The following SIAH3 variants were observed in gnomAD, a reference collection of about 807,000 sequenced individuals.
SIAH3 encodes seven in absentia homolog 3.
In SIAH3, 9 loss-of-function variants were observed where a neutral mutation model predicts 12.6. The ratio of observed to expected loss-of-function variants is 0.72; its 90% confidence interval spans 0.43 to 1.25. The LOEUF (loss-of-function observed/expected upper bound fraction) is 1.25, where lower values mean the gene tolerates loss of function less well. Ranked by LOEUF, SIAH3 falls within the 50% of genes most tolerant of loss-of-function variation. SIAH3 has a pLI of 0.00. For missense variants in SIAH3, 390 were observed against 365.4 expected (o/e 1.07, Z -0.55); for synonymous variants, 154 against 151.1 (o/e 1.02, Z -0.14).
At chr13:45,796,122 C>A (rs1225785996) in intron 1 of SIAH3, among the ~76,000 whole-genome samples, 1 of 152,048 alleles carries the variant, frequency 6.6e-6, no homozygotes, top group Admixed American at 6.5e-5. Context: ...AAATATAACT[C>A]GTGGTCTGGA....
chr13:45,820,156 G>A (rs1486380448), intron 1 of SIAH3, among the ~76,000 whole-genome samples: 1 of 152,122 alleles, frequency 6.6e-6, no homozygotes, highest in Non-Finnish European at 1.5e-5. Flanking sequence ...CCATCACATT[G>A]GCCACTAAGT....
At chr13:45,798,625 T>C (rs1367614014) in intron 1 of SIAH3, among the ~76,000 whole-genome samples, 1 of 152,192 alleles carries the variant, frequency 6.6e-6, no homozygotes, top group Non-Finnish European at 1.5e-5. Context: ...AACTTCCCAT[T>C]AGAACCGTCC....
intron 1 of SIAH3, among the ~76,000 whole-genome samples, chr13:45,804,985 CACACACACACACACACACACACACAA>C (rs1950593913): frequency 6.6e-6 from 1 of 150,668 alleles, no homozygotes; most frequent in Admixed American, 6.6e-5. Context: ...CACACACACA[CACACACACACACACACACACACACAA>C]AATACTTTGG....
At chr13:45,809,348 A>G (rs1284878197) in intron 1 of SIAH3, among the ~76,000 whole-genome samples, 1 of 152,268 alleles carries the variant, frequency 6.6e-6, no homozygotes, top group African/African-American at 2.4e-5. Flanking sequence ...TGTGTCCACA[A>G]ATCTGCAGAA....
chr13:45,800,791 A>G, intron 1 of SIAH3, among the ~76,000 whole-genome samples: 1 of 152,304 alleles, frequency 6.6e-6, no homozygotes, highest in South Asian at 2.1e-4. Flanking sequence ...CCTATTAGAG[A>G]TTGTGCTTGG....
At chr13:45,796,663 T>C (rs1462020449) in intron 1 of SIAH3, among the ~76,000 whole-genome samples, 1 of 152,224 alleles carries the variant, frequency 6.6e-6, no homozygotes, top group East Asian at 1.9e-4. Context: ...CTCTCTGAGA[T>C]TAGACTTGGC....
At chr13:45,798,302 A>G (rs1484970870) in intron 1 of SIAH3, among the ~76,000 whole-genome samples, 1 of 152,228 alleles carries the variant, frequency 6.6e-6, no homozygotes. Context: ...TTTCCATACC[A>G]TTCTGCTGTT....
At chr13:45,838,986 A>G (rs1159422802) in intron 1 of SIAH3, among the ~76,000 whole-genome samples, 1 of 152,146 alleles carries the variant, frequency 6.6e-6, no homozygotes, top group African/African-American at 2.4e-5. Flanking sequence ...CATAAGGGGA[A>G]GCGTTTACCA....
chr13:45,826,442 T>TGG (rs1950676832), intron 1 of SIAH3, among the ~76,000 whole-genome samples: 1 of 81,898 alleles, frequency 1.2e-5, no homozygotes, highest in Non-Finnish European at 2.2e-5. Flanking sequence ...AATGGATGCA[T>TGG]GGATGGATGG....
chr13:45,804,883 A>G (rs1318390487), intron 1 of SIAH3, among the ~76,000 whole-genome samples: 1 of 152,004 alleles, frequency 6.6e-6, no homozygotes, highest in East Asian at 1.9e-4. Context: ...AGGATACAAA[A>G]TCAATGTACA....
At chr13:45,850,919 CCACACACACACACACACACA>C (rs34118981) in intron 1 of SIAH3, among the ~76,000 whole-genome samples, 4 of 128,332 alleles carry the variant, frequency 3.1e-5, no homozygotes, top group East Asian at 2.5e-4. Context: ...CCTCCCGACA[CCACACACACACACACACACA>C]CACACACACA....
At chr13:45,834,028 A>G (rs1028453799) in intron 1 of SIAH3, among the ~76,000 whole-genome samples, 2 of 150,674 alleles carry the variant, frequency 1.3e-5, no homozygotes, top group Admixed American at 6.6e-5. Flanking sequence ...AAAGAAGGGG[A>G]AAAAAAAGCC....
At chr13:45,849,747 C>T (rs1273964712) in intron 1 of SIAH3, among the ~76,000 whole-genome samples, 2 of 152,210 alleles carry the variant, frequency 1.3e-5, no homozygotes, top group Admixed American at 1.3e-4. Context: ...GAGACCTTAA[C>T]ACCTCTCTAT....
chr13:45,851,099 C>T (rs1434732203), intron 1 of SIAH3, among the ~76,000 whole-genome samples: 4 of 151,274 alleles, frequency 2.6e-5, no homozygotes, highest in Admixed American at 6.6e-5. Flanking sequence ...TCTCCCAACA[C>T]ATGGGACAGA....
Position 45,851,603 on chromosome 13 carries a change from C to G in SIAH3, c.27G>C (p.Gly9=). Residue 9 remains glycine (G), a synonymous_variant, in exon 1 of 2, where the codon GGG becomes GGC. Coordinates refer to ENST00000400405, the MANE Select transcript of SIAH3 (RefSeq NM_198849.3). The part of the protein sequence containing the change: MLFFTQCF[G]AVLDLIHLRF... ...GGAGATGAATGAGATCTAATACAGC[C>G]CCAAAGCACTGGGTAAAGAAAAGCA... 7.4e-6 allele frequency: 12 copies of G among 1,614,120 alleles called. No homozygotes were observed. Among genetic ancestry groups the G allele is most frequent in the Non-Finnish European group, 1.0e-5 (12 of 1,180,026 alleles).
chr13:45,823,480 T>C (rs1950663544), intron 1 of SIAH3, among the ~76,000 whole-genome samples: 1 of 152,228 alleles, frequency 6.6e-6, no homozygotes, highest in African/African-American at 2.4e-5. Flanking sequence ...TAAATCTCAG[T>C]CTACTTCTGG....
chr13:45,785,665 G>GA (rs1566086269), intron 1 of SIAH3, among the ~76,000 whole-genome samples: 1 of 152,250 alleles, frequency 6.6e-6, no homozygotes, highest in African/African-American at 2.4e-5. Context: ...GGAGGTAGGG[G>GA]CCAGATCAGC....
intron 1 of SIAH3, among the ~76,000 whole-genome samples, chr13:45,811,526 G>A (rs1309537036): frequency 6.6e-6 from 1 of 152,132 alleles, no homozygotes; most frequent in African/African-American, 2.4e-5. Flanking sequence ...GCCGTGGTAT[G>A]ATCAAGGCTC....
chr13:45,800,970 GAA>G (rs1950579797), intron 1 of SIAH3, among the ~76,000 whole-genome samples: 1 of 152,052 alleles, frequency 6.6e-6, no homozygotes, highest in Admixed American at 6.5e-5. Context: ...GATCCCATGA[GAA>G]GGGTAGACTC....
Sources: gnomAD v4.1 joint callset for allele counts (sites outside exome capture counted in the v4.1 genomes callset) on GRCh38, gnomAD v4.1.1 for gene constraint, MANE v1.5 for transcripts, NCBI Gene and HGNC (gene_info 2026-07-23, HGNC 2026-07-21) for gene names.